HTR4: variants seen among roughly 807,000 people sequenced by gnomAD.
The protein encoded by HTR4 is 5-hydroxytryptamine (serotonin) receptor 4, G protein-coupled.
In HTR4, 16 loss-of-function variants were observed where a neutral mutation model predicts 36.8. The observed-to-expected ratio is 0.43, with a 90% CI of 0.29 to 0.66. The LOEUF is 0.66. HTR4 is among the 30% of genes least tolerant of loss of function. The probability of loss-of-function intolerance (pLI) is 0.13; values close to 1 mark genes in which losing one functional copy is unlikely to be tolerated. For synonymous variants in HTR4, 189 were observed against 185.1 expected, an observed-to-expected ratio of 1.02 and a Z score of -0.17; for missense variants, 438 against 490.9, an observed-to-expected ratio of 0.89 and a Z score of 1.02.
At chr5:148,653,895 A>G (rs1473421283) in intron 1 of HTR4, among the ~76,000 whole-genome samples, 167 bp downstream of exon 1, 1 of 151,944 alleles carries the variant, frequency 6.6e-6, no homozygotes, top group Non-Finnish European at 1.5e-5. Context: ...CAGCCAGCCC[A>G]CCTACACCCT....
intron 1 of HTR4, among the ~76,000 whole-genome samples, chr5:148,639,494 C>T (rs1214783512): frequency 6.6e-6 from 1 of 151,754 alleles, no homozygotes; most frequent in Admixed American, 6.6e-5. Flanking sequence ...CTCTCACTTC[C>T]TTAGGGGTGC....
At chr5:148,468,136 T>C (rs1755478844) in intron 5 of HTR4, among the ~76,000 whole-genome samples, 1 of 152,168 alleles carries the variant, frequency 6.6e-6, no homozygotes, top group Non-Finnish European at 1.5e-5. Flanking sequence ...TTAGCTGTTG[T>C]GTGAATGGTG....
chr5:148,467,845 A>G (rs1291675131), intron 5 of HTR4, among the ~76,000 whole-genome samples: 1 of 152,234 alleles, frequency 6.6e-6, no homozygotes, highest in Admixed American at 6.5e-5. Context: ...ATTGCAAACC[A>G]TAATTGTACA....
At chr5:148,486,369 G>T (rs1171152179) in intron 6 of HTR4, among the ~76,000 whole-genome samples, 2 of 152,092 alleles carry the variant, frequency 1.3e-5, no homozygotes, top group Non-Finnish European at 1.5e-5. Flanking sequence ...TTAACACTCA[G>T]GAAGCCCCTT....
At chr5:148,566,128 G>T (rs1210296174) in intron 2 of HTR4, among the ~76,000 whole-genome samples, 1 of 152,048 alleles carries the variant, frequency 6.6e-6, no homozygotes, top group Non-Finnish European at 1.5e-5. Flanking sequence ...TTGGGTATTG[G>T]TTACATAAAC....
intron 4 of HTR4, among the ~76,000 whole-genome samples, chr5:148,547,853 G>A (rs1420416130): frequency 1.3e-5 from 2 of 152,186 alleles, no homozygotes; most frequent in Admixed American, 6.5e-5. Context: ...TGGCAATTCT[G>A]ATTACATGTG....
At chr5:148,572,362 C>T (rs370722730) in intron 2 of HTR4, among the ~76,000 whole-genome samples, 1 of 152,076 alleles carries the variant, frequency 6.6e-6, no homozygotes, top group South Asian at 2.1e-4. Context: ...GGCTCAGAGA[C>T]TTGAACTGAT....
chr5:148,467,621 A>G (rs1016185948), intron 5 of HTR4, among the ~76,000 whole-genome samples: 4 of 152,256 alleles, frequency 2.6e-5, no homozygotes, highest in Non-Finnish European at 5.9e-5. Context: ...CTAAGGTATT[A>G]CTATAAAATA....
At chr5:148,565,791 A>G (rs1311888769) in intron 2 of HTR4, among the ~76,000 whole-genome samples, 1 of 152,154 alleles carries the variant, frequency 6.6e-6, no homozygotes, top group East Asian at 1.9e-4. Flanking sequence ...CTCTACCTGG[A>G]TTAGACCCTC....
chr5:148,630,043 T>C (rs1184890004), intron 2 of HTR4: 1 of 152,154 alleles, frequency 6.6e-6, no homozygotes, highest in Non-Finnish European at 1.5e-5. Context: ...GTTCCAGAAA[T>C]GTGGCAATGG....
At chr5:148,594,620 T>C (rs1308548631) in intron 2 of HTR4, among the ~76,000 whole-genome samples, 3 of 152,100 alleles carry the variant, frequency 2.0e-5, no homozygotes, top group African/African-American at 7.2e-5. Flanking sequence ...GCACAAGTAA[T>C]CCTTCCTTCT....
chr5:148,481,360 C>A, downstream of HTR4: 1 of 574,188 alleles, frequency 1.7e-6, no homozygotes, highest in South Asian at 2.5e-5. Flanking sequence ...AGAATGGTTC[C>A]CTGGTTCAAT....
At chr5:148,589,063 T>C (rs1001451529) in intron 2 of HTR4, among the ~76,000 whole-genome samples, 5 of 152,168 alleles carry the variant, frequency 3.3e-5, no homozygotes, top group African/African-American at 9.7e-5. Flanking sequence ...GATACTCCAC[T>C]ATATGAATAA....
chr5:148,550,380 A>G, intron 2 of HTR4, 118 bp from the exon 3 acceptor site: 3 of 1,126,918 alleles, frequency 2.7e-6, no homozygotes, highest in Middle Eastern at 4.0e-4. Flanking sequence ...GATGACACAT[A>G]TATTTATCAT....
intron 6 of HTR4, 22 bp downstream of exon 6, chr5:148,509,434 T>C (rs749271441): frequency 2.0e-6 from 3 of 1,536,924 alleles, no homozygotes; most frequent in East Asian, 4.5e-5. Context: ...ACCAAATCAA[T>C]GAACTCCCTT....
intron 2 of HTR4, among the ~76,000 whole-genome samples, chr5:148,568,654 A>G (rs1760552337): frequency 6.6e-6 from 1 of 152,126 alleles, no homozygotes; most frequent in South Asian, 2.1e-4. Context: ...AAAACACCAA[A>G]TTGCCAATCT....
chr5:148,523,807 G>A (rs1393638163), intron 4 of HTR4, among the ~76,000 whole-genome samples: 1 of 152,072 alleles, frequency 6.6e-6, no homozygotes, highest in African/African-American at 2.4e-5. Flanking sequence ...ACACTATCCC[G>A]ATGCCTGTGC....
At chr5:148,478,292 G>A (rs1192672977), downstream of HTR4, among the ~76,000 whole-genome samples, 3 of 151,834 alleles carry the variant, frequency 2.0e-5, no homozygotes, top group South Asian at 2.1e-4. Context: ...GGAACTAGGC[G>A]ATTTGTAAAG....
At chr5:148,596,211 G>T (rs1455558713) in intron 2 of HTR4, among the ~76,000 whole-genome samples, 1 of 152,182 alleles carries the variant, frequency 6.6e-6, no homozygotes. Flanking sequence ...GAAAGTCTTA[G>T]TATGTGCCGA....
Sources: allele counts gnomAD v4.1 joint callset (sites outside exome capture counted in the v4.1 genomes callset), GRCh38; gene constraint gnomAD v4.1.1; transcripts MANE v1.5; gene names NCBI Gene and HGNC (gene_info 2026-07-23, HGNC 2026-07-21).